WDFY3: variants seen among roughly 807,000 people sequenced by gnomAD.
The protein encoded by WDFY3 is WD repeat and FYVE domain-containing protein 3.
WDFY3 carries 66 observed loss-of-function variants against 409.6 expected under a neutral mutation model. The observed-to-expected ratio is 0.16, with a 90% CI of 0.13 to 0.20. WDFY3 has a LOEUF of 0.20. WDFY3 is among the 10% of genes least tolerant of loss of function. WDFY3 has a pLI of 1.00. For missense variants in WDFY3, 3,031 were observed against 4,298.1 expected (o/e 0.71, Z 8.24); for synonymous variants, 1,521 against 1,537.1 (o/e 0.99, Z 0.25).
chr4:84,783,155 A>G (rs752275162), intron 24 of WDFY3, 81 bp from the exon 25 acceptor site: 17 of 1,243,084 alleles, frequency 1.4e-5, no homozygotes, highest in Non-Finnish European at 1.9e-5. Context: ...CAAACACATG[A>G]ATGGTAACAT....
At chr4:84,721,644 A>C (rs968624882) in intron 46 of WDFY3, 72 bp from the exon 47 acceptor site, 1 of 1,549,526 alleles carries the variant, frequency 6.5e-7, no homozygotes, top group African/African-American at 1.4e-5. Context: ...AGTCTCATGT[A>C]GTTCCTTCTA....
At chr4:84,934,486 T>C (rs1771162947) in intron 1 of WDFY3, among the ~76,000 whole-genome samples, 3 of 152,192 alleles carry the variant, frequency 2.0e-5, no homozygotes, top group Admixed American at 6.6e-5. Context: ...ACTGAGTCAC[T>C]TGCCAGATGG....
intron 2 of WDFY3, among the ~76,000 whole-genome samples, chr4:84,897,370 T>C (rs551772732): frequency 6.6e-6 from 1 of 152,210 alleles, no homozygotes; most frequent in South Asian, 2.1e-4. Context: ...AAATGCACTT[T>C]TTTTATTTTA....
intron 2 of WDFY3, 96 bp downstream of exon 2, chr4:84,932,174 A>G (rs558880703): frequency 6.6e-6 from 1 of 152,162 alleles, no homozygotes; most frequent in Non-Finnish European, 1.5e-5. Flanking sequence ...CTGAATCACA[A>G]GTCACTGGTC....
chr4:84,789,669 A>ACC, intron 22 of WDFY3, 57 bp downstream of exon 22: 1 of 1,056,978 alleles, frequency 9.5e-7, no homozygotes, highest in Non-Finnish European at 1.3e-6. Context: ...ACACACACAC[A>ACC]CCCCCCAAAC....
Position 84,717,033 on chromosome 4 carries a change from G to GA in WDFY3, c.7755-18dup. ...TCATGCATACTACAGGCAGCCAAGA[G>GA]AAAAAGCAAATAAAAACACAGCAAG... On this transcript the variant is annotated splice_polypyrimidine_tract_variant and intron_variant, in intron 48 of 67. Coordinates refer to ENST00000295888, the MANE Select transcript of WDFY3 (RefSeq NM_014991.6). The GA allele has an allele frequency of 6.4e-7, 1 of 1,550,560 alleles. No individual in the cohort carries two copies. Among genetic ancestry groups the GA allele is most frequent in the Non-Finnish European group, 8.7e-7 (1 of 1,151,288 alleles).
At chr4:84,674,653 A>G (rs2148707356) in intron 67 of WDFY3, among the ~76,000 whole-genome samples, 1 of 151,976 alleles carries the variant, frequency 6.6e-6, no homozygotes, top group East Asian at 2.0e-4. Context: ...GCAGACCACA[A>G]GGTCAGGAGT....
intron 2 of WDFY3, among the ~76,000 whole-genome samples, chr4:84,905,654 A>T (rs1451285237): frequency 6.6e-6 from 1 of 152,216 alleles, no homozygotes; most frequent in Non-Finnish European, 1.5e-5. Context: ...CAGGTAACAG[A>T]AACTATAGTA....
chr4:84,746,713 G>T (rs535083341), intron 36 of WDFY3, among the ~76,000 whole-genome samples: 1 of 152,206 alleles, frequency 6.6e-6, no homozygotes, highest in Admixed American at 6.5e-5. Flanking sequence ...TGTCTCGGAG[G>T]TGTTCTTTTT....
intron 1 of WDFY3, among the ~76,000 whole-genome samples, chr4:84,938,759 T>C (rs1272709366): frequency 6.6e-6 from 1 of 152,172 alleles, no homozygotes; most frequent in African/African-American, 2.4e-5. Context: ...CTCTTTACTT[T>C]TACATTTGTG....
At position 84,831,473 on chromosome 4, in the gene WDFY3, C is replaced by T; in HGVS notation, c.709G>A (p.Glu237Lys). The T allele has an allele frequency of 1.2e-6, 2 of 1,614,058 alleles. No homozygotes were observed. Among genetic ancestry groups the T allele is most frequent in the Non-Finnish European group, 1.7e-6 (2 of 1,179,996 alleles). Residue 237 changes from glutamate (E) to lysine (K), a missense_variant, in exon 8 of 68, where the codon GAA becomes AAA. By Grantham distance (56) the Glu-to-Lys change is moderately conservative. This residue lies in a region of WDFY3 where 1,322 missense variants were observed against 1,697.9 expected (regional missense o/e 0.78). Coordinates refer to ENST00000295888, the MANE Select transcript of WDFY3 (RefSeq NM_014991.6). The part of the protein sequence containing the change: ...YNLPWRKSAG[E>K]VLMTISRHGL... ...TGACGAGATATGGTCATGAGGACTTCTCCAGCACTCTTTCTCCAAGGCAGG... is the reference window on the plus strand; with the variant it reads ...TGACGAGATATGGTCATGAGGACTTTTCCAGCACTCTTTCTCCAAGGCAGG...
chr4:84,800,983 A>C (rs1193420635), intron 17 of WDFY3, among the ~76,000 whole-genome samples: 2 of 152,166 alleles, frequency 1.3e-5, no homozygotes, highest in African/African-American at 4.8e-5. Context: ...ACCCCTGCTC[A>C]TAACGACAAA....
chr4:84,789,919 G>A lies in WDFY3; in HGVS notation c.3488-12C>T. 1.9e-6 allele frequency: 3 copies of A among 1,613,060 alleles called. No individual in the cohort carries two copies. Among genetic ancestry groups the A allele is most frequent in the Non-Finnish European group, 2.5e-6 (3 of 1,179,464 alleles). ...ACTAAAATCATCAACTGAAATAAAG[G>A]GGGGAAGACATAAAAACTTTTTCCA... On this transcript the variant is annotated splice_polypyrimidine_tract_variant and intron_variant, in intron 21 of 67. Coordinates refer to ENST00000295888, the MANE Select transcript of WDFY3 (RefSeq NM_014991.6).
Position 84,684,088 on chromosome 4 carries a change from A to G in WDFY3, c.9581T>C (p.Val3194Ala). The G allele has an allele frequency of 6.2e-7, 1 of 1,608,886 alleles. No homozygotes were observed. The highest frequency in any genetic ancestry group is 1.3e-5 in the African/African-American group (1 of 74,964). ...IVSCAGTYIH[V>A]WSINGNPIVS... ...GATAGGGTTCCCATTGATGCTCCAC[A>G]CATGGATATATGTGCCAGCGCAGGA... Residue 3194 changes from valine to alanine, a missense_variant, in exon 63 of 68, where the codon GTG becomes GCG. Transcript: ENST00000295888.
At chr4:84,703,779 C>T (rs138123527) in intron 55 of WDFY3, among the ~76,000 whole-genome samples, 1 of 152,302 alleles carries the variant, frequency 6.6e-6, no homozygotes, top group East Asian at 1.9e-4. Flanking sequence ...TTCCCATCCC[C>T]CTTTCTGGAC....
rs1755651285 is a variant in WDFY3, at chr4:84,831,126, G to A, written c.769+287C>T. 2.0e-5 allele frequency among the ~76,000 whole-genome samples: 3 copies of A among 148,148 alleles called. No homozygotes were observed. In the South Asian group the frequency reaches 6.4e-4, roughly 31 times the overall value. Reference sequence around the variant, plus strand: ...GCTTGAACCCGGGAGGATGGAGGTTGCAGTGAGCCAAGATCGCGCCACTGC... The same window carrying A: ...GCTTGAACCCGGGAGGATGGAGGTTACAGTGAGCCAAGATCGCGCCACTGC... On this transcript the variant is annotated intron_variant, in intron 8 of 67. Coordinates refer to ENST00000295888, the MANE Select transcript of WDFY3 (RefSeq NM_014991.6).
At chr4:84,832,057 C>T (rs1403801544) in intron 7 of WDFY3, among the ~76,000 whole-genome samples, 2 of 152,106 alleles carry the variant, frequency 1.3e-5, no homozygotes, top group African/African-American at 4.8e-5. Flanking sequence ...TACTGCAGCA[C>T]TATTCCCAAT....
intron 3 of WDFY3, among the ~76,000 whole-genome samples, chr4:84,882,716 A>AT (rs1344617979): frequency 2.0e-5 from 3 of 151,060 alleles, no homozygotes; most frequent in Non-Finnish European, 4.4e-5. Context: ...TGTTTCACCT[A>AT]TATTTTTTTT....
chr4:84,942,132 G>T (rs949850641), intron 1 of WDFY3, among the ~76,000 whole-genome samples: 1 of 151,840 alleles, frequency 6.6e-6, no homozygotes, highest in African/African-American at 2.4e-5. Context: ...TTGTTACTTT[G>T]AGTTAGGCAA....
Sources: allele counts gnomAD v4.1 joint callset (sites outside exome capture counted in the v4.1 genomes callset), GRCh38; gene constraint gnomAD v4.1.1; regional missense constraint gnomAD v4.1.1; transcripts MANE v1.5; gene names NCBI Gene and HGNC (gene_info 2026-07-23, HGNC 2026-07-21).